Variants in RGS6 observed in about 807,000 individuals in gnomAD.
RGS6 encodes the protein regulator of G protein signaling 6, also known as regulator of G-protein signaling 6.
A neutral mutation model predicts 78.5 loss-of-function variants in RGS6; 30 were observed. The ratio of observed to expected loss-of-function variants is 0.38; its 90% CI spans 0.29 to 0.52. The LOEUF (loss-of-function observed/expected upper bound fraction) is 0.52, where lower values mean the gene tolerates loss of function less well. RGS6 is among the 20% of genes least tolerant of loss of function. The pLI is 0.85. For missense variants in RGS6, 495 were observed against 609.7 expected (o/e 0.81, Z 1.98); for synonymous variants, 206 against 206.0 (o/e 1.00, Z 0.00).
intron 13 of RGS6, among the ~76,000 whole-genome samples, chr14:72,508,593 T>TTTTTTTTTTTTA (rs2096840323): frequency 8.3e-6 from 1 of 120,702 alleles, no homozygotes; most frequent in African/African-American, 3.4e-5. Flanking sequence ...TTTTTTTTTT[T>TTTTTTTTTTTTA]ACTAAGTGGA....
chr14:72,379,176 A>G (rs2085439047), intron 3 of RGS6, among the ~76,000 whole-genome samples: 1 of 152,108 alleles, frequency 6.6e-6, no homozygotes. Flanking sequence ...ATAGAAGGAA[A>G]GTACCTTAAC....
chr14:72,324,353 A>C (rs985839215), intron 2 of RGS6, among the ~76,000 whole-genome samples: 1 of 152,210 alleles, frequency 6.6e-6, no homozygotes, highest in African/African-American at 2.4e-5. Context: ...AATCATTTAC[A>C]AAGGACTATT....
chr14:72,125,398 C>T (rs1161516822), intron 2 of RGS6, among the ~76,000 whole-genome samples: 1 of 152,134 alleles, frequency 6.6e-6, no homozygotes, highest in Non-Finnish European at 1.5e-5. Context: ...TTTCCCAGCA[C>T]CCCCATGCCT....
At chr14:72,410,802 C>G (rs1460984642) in intron 3 of RGS6, among the ~76,000 whole-genome samples, 1 of 152,136 alleles carries the variant, frequency 6.6e-6, no homozygotes, top group Non-Finnish European at 1.5e-5. Context: ...GCCAGTTTTC[C>G]CAGCACCATT....
At chr14:72,339,516 G>A (rs2076600016) in intron 2 of RGS6, among the ~76,000 whole-genome samples, 1 of 152,166 alleles carries the variant, frequency 6.6e-6, no homozygotes, top group African/African-American at 2.4e-5. Flanking sequence ...TGAAGAGCTG[G>A]GCAGTGGAGA....
At chr14:72,472,354 A>G (rs951406420) in intron 8 of RGS6, among the ~76,000 whole-genome samples, 2 of 152,172 alleles carry the variant, frequency 1.3e-5, no homozygotes, top group African/African-American at 4.8e-5. Context: ...GCCTTTAGAA[A>G]GCCAGATGGT....
At chr14:72,431,580 C>T (rs2094642524) in intron 3 of RGS6, among the ~76,000 whole-genome samples, 1 of 147,446 alleles carries the variant, frequency 6.8e-6, no homozygotes, top group African/African-American at 2.6e-5. Context: ...CACGGGATTT[C>T]ACCATGTTTC....
chr14:72,238,460 C>T lies in RGS6; in HGVS notation c.85-113635C>T, dbSNP rs555724219. On this transcript the variant is annotated intron_variant, in intron 2 of 17. Transcript: ENST00000553525. The stretch of plus-strand genomic sequence containing the variant: ...CAGTGCCAAACCGAAGGTATGTGTA[C>T]TTTACATCCTCCCTTCCCCCCAAGC... Among the ~76,000 whole-genome samples the T allele has an allele frequency of 4.6e-5, 7 of 152,288 alleles. No individual in the cohort carries two copies. The East Asian group carries it at 1.3e-3, about 29-fold the overall frequency.
At chr14:72,375,544 C>T (rs146878056) in intron 3 of RGS6, among the ~76,000 whole-genome samples, 58 of 152,240 alleles carry the variant, frequency 3.8e-4, no homozygotes, top group African/African-American at 1.3e-3. Context: ...AGCATGCCCC[C>T]AGGCCAGCTG....
chr14:72,295,105 A>C (rs902486670), intron 2 of RGS6, among the ~76,000 whole-genome samples: 1 of 151,484 alleles, frequency 6.6e-6, no homozygotes, highest in Non-Finnish European at 1.5e-5. Context: ...TCCCGGCTAA[A>C]ACGGTGAAAC....
intron 2 of RGS6, among the ~76,000 whole-genome samples, chr14:72,054,838 C>T (rs978136067): frequency 1.3e-5 from 2 of 152,004 alleles, no homozygotes; most frequent in African/African-American, 4.8e-5. Context: ...TTTCATTTTG[C>T]CTGGCTTTGA....
At chr14:72,416,188 G>C (rs1028435673) in intron 3 of RGS6, among the ~76,000 whole-genome samples, 1 of 151,196 alleles carries the variant, frequency 6.6e-6, no homozygotes, top group African/African-American at 2.4e-5. Context: ...TACATTTGTA[G>C]CATTGAAATT....
At chr14:72,546,121 T>C (rs1567100542) in intron 17 of RGS6, among the ~76,000 whole-genome samples, 2 of 152,236 alleles carry the variant, frequency 1.3e-5, no homozygotes, top group Non-Finnish European at 2.9e-5. Flanking sequence ...AGCTTGTTGC[T>C]GTCCTCTTTT....
chr14:72,567,653 C>T (rs1035003956), downstream of RGS6, among the ~76,000 whole-genome samples: 10 of 152,196 alleles, frequency 6.6e-5, no homozygotes, highest in Non-Finnish European at 1.2e-4. Context: ...TGCCAGCCTC[C>T]AATTGTTCAT....
chr14:72,131,963 A>T (rs1442505057), intron 2 of RGS6, among the ~76,000 whole-genome samples: 1 of 152,240 alleles, frequency 6.6e-6, no homozygotes, highest in African/African-American at 2.4e-5. Context: ...GGCGATCTTC[A>T]TGAACTACTC....
At chr14:71,876,188 C>G in the RGS6 span, among the ~76,000 whole-genome samples, 1 of 152,092 alleles carries the variant, frequency 6.6e-6, no homozygotes, top group East Asian at 1.9e-4. Context: ...GAGTTCAATT[C>G]CTGGATATCC....
rs566841535 is a variant in RGS6, at chr14:72,441,052, G to A, written c.185-13476G>A. On this transcript the variant is annotated intron_variant, in intron 3 of 17. Coordinates refer to ENST00000553525, the MANE Select transcript of RGS6 (RefSeq NM_001204424.2). ...TTGGGTGTCTGTTGCATCTATGCAT[G>A]TGTGCAGGTATGTATGACTGTGTGA... Among the ~76,000 whole-genome samples the A allele has an allele frequency of 1.9e-4, 29 of 152,324 alleles. No individual in the cohort carries two copies. In the South Asian group the frequency reaches 5.2e-3, roughly 27 times the overall value.
chr14:71,920,893 A>T, the RGS6 span, among the ~76,000 whole-genome samples: 4 of 152,268 alleles, frequency 2.6e-5, no homozygotes. Flanking sequence ...TGCATAGCAA[A>T]GGAAACAATT....
chr14:72,063,508 A>T (rs1055093869), intron 2 of RGS6, among the ~76,000 whole-genome samples: 3 of 152,140 alleles, frequency 2.0e-5, no homozygotes, highest in Non-Finnish European at 2.9e-5. Flanking sequence ...TAAAGATAGG[A>T]TATACGTTTC....
Sources: allele counts gnomAD v4.1 joint callset (sites outside exome capture counted in the v4.1 genomes callset), GRCh38; gene constraint gnomAD v4.1.1; transcripts MANE v1.5; gene names NCBI Gene and HGNC (gene_info 2026-07-23, HGNC 2026-07-21).